Variants in ARB2A observed in about 807,000 individuals in gnomAD.
ARB2A encodes ARB2 cotranscriptional regulator A.
At chr5:93,934,298 A>G in the ARB2A span, among the ~76,000 whole-genome samples, 1 of 152,220 alleles carries the variant, frequency 6.6e-6, no homozygotes, top group Non-Finnish European at 1.5e-5. Flanking sequence ...AGAGAATGAT[A>G]AAGATATTCT....
At chr5:93,701,120 CT>C in the ARB2A span, among the ~76,000 whole-genome samples, 3 of 152,136 alleles carry the variant, frequency 2.0e-5, no homozygotes, top group Non-Finnish European at 4.4e-5. Flanking sequence ...TGTAATTTTG[CT>C]CTGAATCAAA....
At chr5:93,688,240 C>T in the ARB2A span, among the ~76,000 whole-genome samples, 2 of 152,206 alleles carry the variant, frequency 1.3e-5, no homozygotes, top group Non-Finnish European at 2.9e-5. Flanking sequence ...TCCTAAAGTG[C>T]TGGGATTACA....
At chr5:93,844,106 TGAG>T in the ARB2A span, among the ~76,000 whole-genome samples, 1 of 143,706 alleles carries the variant, frequency 7.0e-6, no homozygotes, top group African/African-American at 2.6e-5. Flanking sequence ...GGAAGCAAGA[TGAG>T]GATAAAAAAA....
chr5:93,955,391 C>T, the ARB2A span, among the ~76,000 whole-genome samples: 3 of 152,088 alleles, frequency 2.0e-5, no homozygotes, highest in Non-Finnish European at 4.4e-5. Context: ...GGAAGCCAAA[C>T]TGTATAAATT....
chr5:93,718,680 T>C, the ARB2A span, among the ~76,000 whole-genome samples: 2 of 152,210 alleles, frequency 1.3e-5, no homozygotes, highest in African/African-American at 4.8e-5. Context: ...GAAAAATGTC[T>C]AATTGTAACA....
the ARB2A span, among the ~76,000 whole-genome samples, chr5:93,909,500 T>C: frequency 6.6e-6 from 1 of 151,160 alleles, no homozygotes; most frequent in East Asian, 1.9e-4. Flanking sequence ...TCATGTTCCC[T>C]AAAATCAAGC....
At chr5:93,781,828 T>C in the ARB2A span, 1 of 938,442 alleles carries the variant, frequency 1.1e-6, no homozygotes, top group Non-Finnish European at 1.3e-6. Context: ...ATGTATCACA[T>C]TAATTTAAAC....
At chr5:93,974,317 G>A in the ARB2A span, among the ~76,000 whole-genome samples, 4 of 152,168 alleles carry the variant, frequency 2.6e-5, no homozygotes, top group African/African-American at 7.2e-5. Context: ...AAAGGGCAGA[G>A]GTTGTTATTC....
At chr5:93,764,269 T>C in the ARB2A span, among the ~76,000 whole-genome samples, 114 of 152,172 alleles carry the variant, frequency 7.5e-4, no homozygotes, top group African/African-American at 2.7e-3. Context: ...AGCTGGTTTT[T>C]TGAAAAGATC....
the ARB2A span, among the ~76,000 whole-genome samples, chr5:93,937,963 AG>A: frequency 1.3e-5 from 2 of 152,134 alleles, no homozygotes; most frequent in African/African-American, 4.8e-5. Context: ...TTTTTTTTTG[AG>A]TATTTTGAAC....
the ARB2A span, among the ~76,000 whole-genome samples, chr5:93,637,868 T>A: frequency 1.3e-5 from 2 of 152,206 alleles, no homozygotes; most frequent in Non-Finnish European, 2.9e-5. Context: ...ATGAATGGCT[T>A]CCTTTATTTC....
the ARB2A span, among the ~76,000 whole-genome samples, chr5:94,016,809 A>G: frequency 6.6e-6 from 1 of 152,332 alleles, no homozygotes; most frequent in African/African-American, 2.4e-5. Context: ...GAAAATTAAA[A>G]TAATTCACAA....
chr5:93,763,310 T>A, the ARB2A span, among the ~76,000 whole-genome samples: 115 of 152,204 alleles, frequency 7.6e-4, 3 homozygotes, highest in South Asian at 0.02. Flanking sequence ...CCATCTCACA[T>A]GCAGAGACAC....
the ARB2A span, among the ~76,000 whole-genome samples, chr5:93,758,170 A>C: frequency 6.6e-6 from 1 of 152,216 alleles, no homozygotes; most frequent in East Asian, 1.9e-4. Flanking sequence ...TATAATGGTA[A>C]AAGGCCTTGT....
the ARB2A span, among the ~76,000 whole-genome samples, chr5:93,767,993 C>CAAAA: frequency 2.0e-3 from 41 of 20,940 alleles, no homozygotes; most frequent in Admixed American, 2.9e-3. Flanking sequence ...GACTCCATCT[C>CAAAA]AAAAAAAAAA....
At chr5:94,072,273 G>A in the ARB2A span, among the ~76,000 whole-genome samples, 1 of 151,970 alleles carries the variant, frequency 6.6e-6, no homozygotes, top group Non-Finnish European at 1.5e-5. Flanking sequence ...TGCTAGTGGT[G>A]GAACACTTCT....
chr5:93,830,627 T>C, the ARB2A span, among the ~76,000 whole-genome samples: 2 of 151,928 alleles, frequency 1.3e-5, no homozygotes, highest in South Asian at 4.2e-4. Context: ...CTGTATACTG[T>C]TGGGATCCTA....
chr5:93,886,585 T>G, the ARB2A span, among the ~76,000 whole-genome samples: 1 of 151,766 alleles, frequency 6.6e-6, no homozygotes, highest in South Asian at 2.1e-4. Context: ...GGTATGTATA[T>G]GTCACTGTTG....
At chr5:93,752,693 A>T in the ARB2A span, among the ~76,000 whole-genome samples, 2 of 152,266 alleles carry the variant, frequency 1.3e-5, no homozygotes, top group South Asian at 4.1e-4. Flanking sequence ...AAATGATTAT[A>T]TATACTAGTG....
Sources: allele counts gnomAD v4.1 joint callset (sites outside exome capture counted in the v4.1 genomes callset), GRCh38; gene constraint gnomAD v4.1.1; transcripts MANE v1.5; gene names NCBI Gene and HGNC (gene_info 2026-07-23, HGNC 2026-07-21).